RPGRIP1L: variants seen among roughly 807,000 people sequenced by gnomAD.
RPGRIP1L encodes RPGRIP1 like, also known as protein fantom.
A neutral mutation model predicts 160.4 loss-of-function variants in RPGRIP1L; 131 were observed. The observed-to-expected ratio is 0.82, with a 90% CI of 0.71 to 0.94. The LOEUF (loss-of-function observed/expected upper bound fraction) is 0.94. RPGRIP1L is among the 40% of genes least tolerant of loss of function. The probability of loss-of-function intolerance (pLI) is 0.00; values close to 1 mark genes in which losing one functional copy is unlikely to be tolerated. For missense variants in RPGRIP1L, 1,522 were observed against 1,535.8 expected (o/e 0.99, Z 0.15); for synonymous variants, 510 against 515.8 (o/e 0.99, Z 0.15).
intron 22 of RPGRIP1L, among the ~76,000 whole-genome samples, chr16:53,623,687 C>T (rs1249352069): frequency 6.6e-6 from 1 of 152,136 alleles, no homozygotes; most frequent in Non-Finnish European, 1.5e-5. Context: ...TTGGTTGTTT[C>T]CTCCTCTGGG....
intron 10 of RPGRIP1L, among the ~76,000 whole-genome samples, chr16:53,661,529 G>C (rs183054218): frequency 6.6e-6 from 1 of 152,156 alleles, no homozygotes; most frequent in East Asian, 1.9e-4. Flanking sequence ...AATATAGTCC[G>C]AAGTATGTAA....
chr16:53,630,934 T>C (rs1965478384), intron 22 of RPGRIP1L, among the ~76,000 whole-genome samples: 1 of 152,128 alleles, frequency 6.6e-6, no homozygotes, highest in Non-Finnish European at 1.5e-5. Context: ...GGTTTCACCA[T>C]GTTGGTTGGG....
At position 53,686,386 on chromosome 16, in the gene RPGRIP1L, T is replaced by C. The variant is rs754901608; in HGVS notation, c.776+47A>G. 4.4e-6 allele frequency: 7 copies of C among 1,580,218 alleles called. No homozygotes were observed. The South Asian group carries it at 4.4e-5, about 10-fold the overall frequency. On this transcript the variant is annotated intron_variant, in intron 6 of 26. Coordinates refer to ENST00000647211, the MANE Select transcript of RPGRIP1L (RefSeq NM_015272.5). ...TTTTATGGCACATGATAAAGTATTT[T>C]AAACTAATTTTGACCTTATCAAAGT...
At chr16:53,695,999 C>T in intron 3 of RPGRIP1L, 152 bp downstream of exon 3, 1 of 727,694 alleles carries the variant, frequency 1.4e-6, no homozygotes, top group Non-Finnish European at 2.3e-6. Context: ...TTCTAGTTTG[C>T]AAGATTTTCC....
intron 1 of RPGRIP1L, among the ~76,000 whole-genome samples, chr16:53,702,529 C>T (rs972167774): frequency 1.3e-5 from 2 of 152,184 alleles, no homozygotes; most frequent in Non-Finnish European, 2.9e-5. Context: ...TCTTTACTTT[C>T]CTCGAACCCC....
chr16:53,687,409 A>G (rs1461101559), intron 5 of RPGRIP1L, among the ~76,000 whole-genome samples: 1 of 152,186 alleles, frequency 6.6e-6, no homozygotes, highest in Non-Finnish European at 1.5e-5. Flanking sequence ...ATGCAGTGCC[A>G]TAGAATCATA....
chr16:53,616,770 C>A (rs758256800), intron 24 of RPGRIP1L, among the ~76,000 whole-genome samples: 1 of 151,884 alleles, frequency 6.6e-6, no homozygotes, highest in Non-Finnish European at 1.5e-5. Flanking sequence ...AGGGAAAAAA[C>A]AAACCAAAAT....
chr16:53,662,497 C>G (rs1414396911), intron 10 of RPGRIP1L, among the ~76,000 whole-genome samples: 1 of 152,098 alleles, frequency 6.6e-6, no homozygotes, highest in Non-Finnish European at 1.5e-5. Flanking sequence ...GAAACATCTT[C>G]TGGCAAAGAA....
intron 2 of RPGRIP1L, among the ~76,000 whole-genome samples, chr16:53,696,512 A>G (rs1228908895): frequency 6.6e-6 from 1 of 152,230 alleles, no homozygotes; most frequent in African/African-American, 2.4e-5. Flanking sequence ...AGTTTTAGGA[A>G]TTTGAATAAC....
chr16:53,628,990 G>A (rs1007964466), intron 22 of RPGRIP1L, among the ~76,000 whole-genome samples: 2 of 152,062 alleles, frequency 1.3e-5, no homozygotes, highest in Admixed American at 6.5e-5. Flanking sequence ...AATGGTGTGT[G>A]TGTGTGTATA....
chr16:53,677,431 T>C (rs991334257), intron 6 of RPGRIP1L, among the ~76,000 whole-genome samples: 1 of 152,188 alleles, frequency 6.6e-6, no homozygotes, highest in African/African-American at 2.4e-5. Flanking sequence ...TTTATTATTA[T>C]GACTTTATTT....
intron 14 of RPGRIP1L, among the ~76,000 whole-genome samples, chr16:53,653,984 G>C (rs527537161): frequency 2.2e-4 from 34 of 152,114 alleles, no homozygotes; most frequent in South Asian, 6.2e-4. Context: ...TATGTTTTGA[G>C]ACAGATTCTC....
intron 22 of RPGRIP1L, among the ~76,000 whole-genome samples, chr16:53,633,754 T>C (rs1356738622): frequency 6.6e-6 from 1 of 152,174 alleles, no homozygotes; most frequent in Non-Finnish European, 1.5e-5. Flanking sequence ...TATATGCATA[T>C]ATAGGAGAGA....
chr16:53,648,889 T>G, intron 16 of RPGRIP1L, 75 bp downstream of exon 16: 1 of 1,368,602 alleles, frequency 7.3e-7, no homozygotes. Flanking sequence ...ATGATTTTAG[T>G]TTAAAGCACG....
chr16:53,684,748 A>G (rs1462094449), intron 6 of RPGRIP1L, among the ~76,000 whole-genome samples: 1 of 151,824 alleles, frequency 6.6e-6, no homozygotes, highest in Non-Finnish European at 1.5e-5. Flanking sequence ...TAATAATAAT[A>G]AAATTAAAAA....
At chr16:53,685,184 A>C (rs1427529200) in intron 6 of RPGRIP1L, among the ~76,000 whole-genome samples, 1 of 152,166 alleles carries the variant, frequency 6.6e-6, no homozygotes, top group Non-Finnish European at 1.5e-5. Flanking sequence ...CACACCAGTG[A>C]GACTGGCGAG....
intron 16 of RPGRIP1L, among the ~76,000 whole-genome samples, chr16:53,646,493 T>C (rs936738542): frequency 1.3e-5 from 2 of 151,502 alleles, no homozygotes; most frequent in African/African-American, 4.9e-5. Flanking sequence ...TACGAGAAAA[T>C]GAGAACAGAG....
chr16:53,626,465 C>T (rs565745080), intron 22 of RPGRIP1L, among the ~76,000 whole-genome samples: 1 of 152,208 alleles, frequency 6.6e-6, no homozygotes, highest in Admixed American at 6.5e-5. Flanking sequence ...TCACCAATTA[C>T]CCTATTAGCA....
intron 1 of RPGRIP1L, among the ~76,000 whole-genome samples, chr16:53,702,929 G>A (rs905526888): frequency 2.0e-5 from 3 of 152,152 alleles, no homozygotes; most frequent in Admixed American, 1.3e-4. Context: ...GTTCACAACT[G>A]TTCAGGAACA....
Sources: gnomAD v4.1 joint callset for allele counts (sites outside exome capture counted in the v4.1 genomes callset) on GRCh38, gnomAD v4.1.1 for gene constraint, MANE v1.5 for transcripts, NCBI Gene and HGNC (gene_info 2026-07-23, HGNC 2026-07-21) for gene names.